The following SERPINB3 variants were observed in gnomAD, a reference collection of about 807,000 sequenced individuals.
The protein encoded by SERPINB3 is serpin family B member 3.
In SERPINB3, 33 loss-of-function variants were observed where a neutral mutation model predicts 33.0. That is an observed-to-expected ratio of 1.00 (90% CI 0.76 to 1.34). The LOEUF is 1.34. Ranked by LOEUF, SERPINB3 falls within the 40% of genes most tolerant of loss-of-function variation. The pLI is 0.00. For missense variants in SERPINB3, 518 were observed against 461.5 expected, an observed-to-expected ratio of 1.12 and a Z score of -1.12; for synonymous variants, 200 against 170.9, an observed-to-expected ratio of 1.17 and a Z score of -1.33.
rs575940624 is a variant in SERPINB3, at chr18:63,657,542, A to T, written c.470-130T>A. ...CCCTACTTGAGACTCACTGACTTTG[A>T]TCTTTGAATTGTTAGACTCACTGAC... On this transcript the variant is annotated intron_variant, in intron 5 of 7. Transcript: ENST00000283752. 9.4e-6 allele frequency: 7 copies of T among 745,802 alleles called. No individual in the cohort carries two copies. In the East Asian group the frequency reaches 2.1e-4, roughly 22 times the overall value. The allele number at this position is 745,802 out of a possible 1,614,324, so 46.2% of individuals were successfully genotyped here. A position where few individuals can be genotyped will look rare whatever the true frequency, so the allele number is the denominator to read the frequency against.
rs753340443 is a variant in SERPINB3 at position 63,661,159 on chromosome 18, T to C, written c.58A>G (p.Arg20Gly). The change falls in exon 2 of 8, where the codon AGA becomes GGA. Residue 20 changes from arginine to glycine, a missense_variant. Transcript: ENST00000283752. ...AAGATGTTGTTCTCTTTTGATTTTC[T>C]GAACTGTTGGAACAGGTCGAACATG... ...KFMFDLFQQF[R>G]KSKENNIFYS... 3.1e-6 allele frequency: 5 copies of C among 1,613,552 alleles called. No homozygotes were observed. Among genetic ancestry groups the C allele is most frequent in the East Asian group, 2.2e-5 (1 of 44,888 alleles).
rs749811807 is a variant in SERPINB3, at chr18:63,658,632, T to G, written c.352-2A>C. 7 of 1,602,624 alleles carry G rather than the reference T, an allele frequency of 4.4e-6. No individual in the cohort carries two copies. The highest frequency in any genetic ancestry group is 6.0e-6 in the Non-Finnish European group (7 of 1,170,098). On this transcript the variant is annotated splice_acceptor_variant, in intron 4 of 7. Transcript: ENST00000283752. LOFTEE classifies it high-confidence loss of function. ...TTTCTTGATGGCATCTAAATATTCC[T>G]TTGAGATATGAAGGAAGAAAGTAGG...
At chr18:63,661,002 G>A (rs370684728) in intron 2 of SERPINB3, 50 bp downstream of exon 2, 347 of 1,611,286 alleles carry the variant, frequency 2.2e-4, no homozygotes, top group Admixed American at 4.0e-4. Context: ...GCTAGCCGAC[G>A]GAACCAGAGA....
At chr18:63,660,985 T>C in intron 2 of SERPINB3, 67 bp downstream of exon 2, 1 of 1,610,132 alleles carries the variant, frequency 6.2e-7, no homozygotes, top group Admixed American at 1.7e-5. Context: ...TCTATTACCA[T>C]CTGCGTGCTA....
rs368098250 is a variant in SERPINB3 at position 63,660,779 on chromosome 18, C to T, written c.222+21G>A. 2.2e-5 allele frequency: 35 copies of T among 1,613,006 alleles called. No homozygotes were observed. The East Asian group carries it at 4.9e-4, about 23-fold the overall frequency. On this transcript the variant is annotated intron_variant, in intron 3 of 7. Transcript: ENST00000283752. Reference sequence around the variant, plus strand: ...ACCTGTTCGGGGATCTAAAGCTGAACCATAGTGCTCTGTGACTCACATGAT... The same window carrying T: ...ACCTGTTCGGGGATCTAAAGCTGAATCATAGTGCTCTGTGACTCACATGAT...
chr18:63,660,711 T>C (rs768109007), intron 3 of SERPINB3, 89 bp downstream of exon 3: 4 of 1,545,852 alleles, frequency 2.6e-6, no homozygotes, highest in African/African-American at 1.4e-5. Context: ...TCCCTAAAAA[T>C]GGCCTTTTCT....
At chr18:63,658,347 G>A (rs974055327) in intron 5 of SERPINB3, among the ~76,000 whole-genome samples, 166 bp downstream of exon 5, 1 of 151,994 alleles carries the variant, frequency 6.6e-6, no homozygotes, top group African/African-American at 2.4e-5. Flanking sequence ...GCTCCCCTAG[G>A]CTCTCTTCAT....
chr18:63,657,899 G>A (rs569360435), intron 5 of SERPINB3, among the ~76,000 whole-genome samples: 23 of 151,978 alleles, frequency 1.5e-4, no homozygotes, highest in African/African-American at 4.6e-4. Context: ...CACTACTTCC[G>A]GGGGTATCTT....
Position 63,656,981 on chromosome 18 carries a change from T to C in SERPINB3, c.618A>G (p.Thr206=). The change falls in exon 7 of 8, where the codon ACA becomes ACG. Residue 206 remains threonine (T), a synonymous_variant. Coordinates refer to ENST00000283752, the MANE Select transcript of SERPINB3 (RefSeq NM_006919.3). ...GCCTCATCATCTGTATGGACTTGTA[T>C]GTATTCTACAATAAATCAATGTGTC... is the stretch of plus-strand genomic sequence containing the variant. ...KEEKFWPNKN[T]YKSIQMMRQY... 1 of 1,603,722 alleles carries C rather than the reference T, an allele frequency of 6.2e-7. No individual in the cohort carries two copies. Among genetic ancestry groups the C allele is most frequent in the Non-Finnish European group, 8.5e-7 (1 of 1,173,250 alleles).
In SERPINB3 at chr18:63,660,780, C is replaced by T; in HGVS notation, c.222+20G>A. The T allele has an allele frequency of 6.2e-7, 1 of 1,613,186 alleles. No homozygotes were observed. On this transcript the variant is annotated intron_variant, in intron 3 of 7. Coordinates refer to ENST00000283752, the MANE Select transcript of SERPINB3 (RefSeq NM_006919.3). The stretch of plus-strand genomic sequence containing the variant: ...CCTGTTCGGGGATCTAAAGCTGAAC[C>T]ATAGTGCTCTGTGACTCACATGATA...
At chr18:63,659,778 G>A (rs1169547548) in intron 3 of SERPINB3, among the ~76,000 whole-genome samples, 2 of 152,136 alleles carry the variant, frequency 1.3e-5, no homozygotes, top group Non-Finnish European at 2.9e-5. Flanking sequence ...ATGCAGCACT[G>A]TCTACCACTG....
At chr18:63,656,675 T>C (rs1229460737) in intron 7 of SERPINB3, among the ~76,000 whole-genome samples, 156 bp downstream of exon 7, 1 of 152,236 alleles carries the variant, frequency 6.6e-6, no homozygotes, top group Admixed American at 6.5e-5. Flanking sequence ...GCCCTATGCT[T>C]AAATCTTTGT....
At chr18:63,660,989 C>T (rs1196234754) in intron 2 of SERPINB3, 63 bp downstream of exon 2, 29 of 1,609,258 alleles carry the variant, frequency 1.8e-5, no homozygotes, top group South Asian at 6.6e-5. Context: ...TTACCATCTG[C>T]GTGCTAGCCG....
Position 63,655,914 on chromosome 18 carries a change from C to T in SERPINB3, c.916G>A (p.Asp306Asn), listed in dbSNP as rs201128003. The change falls in exon 8 of 8, where the codon GAT becomes AAT. Residue 306 changes from aspartate (D) to asparagine (N), a missense_variant. Physicochemically the swap from Asp to Asn is conservative, Grantham distance 23 (BLOSUM62 1). Coordinates refer to ENST00000283752, the MANE Select transcript of SERPINB3 (RefSeq NM_006919.3). ...KDTLRTMGMV[D>N]IFNGDADLSG... is the part of the protein sequence containing the mutation. ...AGGTCTGCATCCCCATTGAAGATAT[C>T]CACCATTCCCATGGTTCTCAACGTG... The T allele has an allele frequency of 4.1e-5, 66 of 1,613,794 alleles. No homozygotes were observed. The Middle Eastern group carries it at 6.6e-4, about 16-fold the overall frequency.
In SERPINB3 at chr18:63,656,021, G is replaced by T. The variant is rs1241606881; in HGVS notation, c.809C>A (p.Thr270Lys). Reference sequence around the variant, plus strand: ...TGTCTCTCTCATATTCTGCAAACTTGTCCATTCCATCAATTTCTCAGCAGT... The same window carrying T: ...TGTCTCTCTCATATTCTGCAAACTTTTCCATTCCATCAATTTCTCAGCAGT... ...KLTAEKLMEW[T>K]SLQNMRETRV... Residue 270 changes from threonine (T) to lysine (K), a missense_variant, in exon 8 of 8, where the codon ACA (threonine) becomes AAA (lysine). Coordinates refer to ENST00000283752, the MANE Select transcript of SERPINB3 (RefSeq NM_006919.3). 6 of 1,613,620 alleles carry T rather than the reference G, an allele frequency of 3.7e-6. No individual in the cohort carries two copies. The African/African-American group carries it at 4.0e-5, about 11-fold the overall frequency.
intron 1 of SERPINB3, among the ~76,000 whole-genome samples, chr18:63,661,514 C>A (rs1486339900): frequency 6.6e-6 from 1 of 151,968 alleles, no homozygotes; most frequent in Non-Finnish European, 1.5e-5. Flanking sequence ...TACACTAGGG[C>A]TAGGTAGGAA....
rs530869577 is a variant in SERPINB3, at chr18:63,658,421, A to G, written c.469+92T>C. The G allele has an allele frequency of 4.6e-6, 5 of 1,084,538 alleles. No homozygotes were observed. The African/African-American group carries it at 8.0e-5, about 17-fold the overall frequency. The allele number at this position is 1,084,538 out of a possible 1,614,324, so 67.2% of individuals were successfully genotyped here. ...CTTCCCTCCCTGCAAAGCCATCTCA[A>G]TTCCCACCCATGGTCCCCCATGCAG... On this transcript the variant is annotated intron_variant, in intron 5 of 7. Coordinates refer to ENST00000283752, the MANE Select transcript of SERPINB3 (RefSeq NM_006919.3).
chr18:63,655,717 G>A lies in SERPINB3; in HGVS notation c.1113C>T (p.Phe371=), dbSNP rs1467070831. 1.2e-6 allele frequency: 2 copies of A among 1,613,904 alleles called. No individual in the cohort carries two copies. Among genetic ancestry groups the A allele is most frequent in the South Asian group, 1.1e-5 (1 of 91,060 alleles). The change falls in exon 8 of 8, where the codon TTC becomes TTT. Residue 371 remains phenylalanine, a synonymous_variant. Coordinates refer to ENST00000283752, the MANE Select transcript of SERPINB3 (RefSeq NM_006919.3). ...EEFHCNHPFL[F]FIRQNKTNSI... ...TGTTGGTCTTATTTTGCCTTATGAAGAATAGGAAAGGGTGATTACAATGGA... is the reference window on the plus strand; with the variant it reads ...TGTTGGTCTTATTTTGCCTTATGAAAAATAGGAAAGGGTGATTACAATGGA...
rs765803075 is a variant in SERPINB3, at chr18:63,656,969, T to C, written c.630A>G (p.Ile210Met). The part of the protein sequence containing the change: ...FWPNKNTYKS[I>M]QMMRQYTSFH... ...AAGATGTGTATTGCCTCATCATCTGTATGGACTTGTATGTATTCTACAATA... is the reference window on the plus strand; with the variant it reads ...AAGATGTGTATTGCCTCATCATCTGCATGGACTTGTATGTATTCTACAATA... The change falls in exon 7 of 8, where the codon ATA (isoleucine) becomes ATG (methionine). Residue 210 changes from isoleucine (I) to methionine (M), a missense_variant. Transcript: ENST00000283752. 6.2e-5 allele frequency: 99 copies of C among 1,609,646 alleles called. No individual in the cohort carries two copies. The highest frequency in any genetic ancestry group is 8.2e-5 in the Non-Finnish European group (97 of 1,177,290).
Sources: gnomAD v4.1 joint callset for allele counts (sites outside exome capture counted in the v4.1 genomes callset) on GRCh38, gnomAD v4.1.1 for gene constraint, MANE v1.5 for transcripts, NCBI Gene and HGNC (gene_info 2026-07-23, HGNC 2026-07-21) for gene names.